The following NEGR1 variants were observed in gnomAD, a reference collection of about 807,000 sequenced individuals.
NEGR1 encodes the protein neuronal growth regulator 1, also known as IgLON family member 4.
Under a neutral mutation model 40.9 loss-of-function variants are expected in NEGR1, and 10 were observed. The observed-to-expected ratio is 0.24, with a 90% CI of 0.15 to 0.42. The LOEUF (loss-of-function observed/expected upper bound fraction) is 0.42, where lower values mean the gene tolerates loss of function less well. Among genes scored for constraint, NEGR1 ranks in the 10% least tolerant of loss-of-function variants. The pLI is 1.00. For missense variants in NEGR1, 352 were observed against 438.9 expected (o/e 0.80, Z 1.77); for synonymous variants, 185 against 166.8 (o/e 1.11, Z -0.84).
intron 6 of NEGR1, among the ~76,000 whole-genome samples, chr1:71,492,331 A>G (rs1475581232): frequency 1.3e-5 from 2 of 152,002 alleles, no homozygotes; most frequent in Admixed American, 1.3e-4. Flanking sequence ...TTGTAATGGA[A>G]ACTTCTGAAC....
chr1:71,600,463 C>T (rs1649879242), intron 5 of NEGR1, among the ~76,000 whole-genome samples: 1 of 152,114 alleles, frequency 6.6e-6, no homozygotes, highest in African/African-American at 2.4e-5. Flanking sequence ...GTTGTGGTAG[C>T]TTTCCTGGAG....
chr1:71,709,817 C>A (rs1307535196), intron 3 of NEGR1, among the ~76,000 whole-genome samples: 1 of 152,184 alleles, frequency 6.6e-6, no homozygotes, highest in Admixed American at 6.5e-5. Flanking sequence ...GCAAACATTT[C>A]TTTAGCAGTA....
chr1:71,935,476 C>G (rs1183691930), intron 1 of NEGR1, among the ~76,000 whole-genome samples, 165 bp from the exon 2 acceptor site: 1 of 151,872 alleles, frequency 6.6e-6, no homozygotes, highest in Admixed American at 6.6e-5. Context: ...TCTTCCATTC[C>G]CAATGCAAAT....
chr1:72,077,691 T>A (rs1424452009), intron 1 of NEGR1, among the ~76,000 whole-genome samples: 1 of 152,006 alleles, frequency 6.6e-6, no homozygotes, highest in African/African-American at 2.4e-5. Context: ...CGCATGCCTG[T>A]AGTCCCAGGT....
chr1:72,273,063 A>T (rs1655898276), intron 1 of NEGR1, among the ~76,000 whole-genome samples: 1 of 152,002 alleles, frequency 6.6e-6, no homozygotes, highest in Non-Finnish European at 1.5e-5. Context: ...CTTAGAAACC[A>T]CTACACCAAT....
intron 6 of NEGR1, among the ~76,000 whole-genome samples, chr1:71,437,452 A>C (rs1646517219): frequency 6.6e-6 from 1 of 152,198 alleles, no homozygotes; most frequent in African/African-American, 2.4e-5. Flanking sequence ...TTATTCAAAA[A>C]ATGATTATAA....
At position 72,276,811 on chromosome 1, in the gene NEGR1, C is replaced by T. The variant is rs562566334; in HGVS notation, c.176+5508G>A. On this transcript the variant is annotated intron_variant, in intron 1 of 6. Coordinates refer to ENST00000357731, the MANE Select transcript of NEGR1 (RefSeq NM_173808.3). The stretch of plus-strand genomic sequence containing the variant: ...GCATCTATCAAGGTTCTACAAACAA[C>T]ACTTAAACCGTTTTGGATATTTAAA... Among the ~76,000 whole-genome samples the T allele has an allele frequency of 3.1e-4, 47 of 152,182 alleles. No individual in the cohort carries two copies. The South Asian group carries it at 3.3e-3, about 11-fold the overall frequency.
At chr1:71,986,158 G>C (rs1646392106) in intron 1 of NEGR1, among the ~76,000 whole-genome samples, 1 of 152,150 alleles carries the variant, frequency 6.6e-6, no homozygotes, top group Admixed American at 6.5e-5. Flanking sequence ...ATATGTGGTA[G>C]AGTAATTGTT....
intron 6 of NEGR1, among the ~76,000 whole-genome samples, chr1:71,545,049 T>G (rs1647841577): frequency 6.6e-6 from 1 of 151,674 alleles, no homozygotes; most frequent in African/African-American, 2.4e-5. Flanking sequence ...CCAGAAAGAC[T>G]ATTAATTATT....
intron 6 of NEGR1, among the ~76,000 whole-genome samples, chr1:71,547,402 T>A (rs1457928228): frequency 6.6e-6 from 1 of 151,340 alleles, no homozygotes; most frequent in Non-Finnish European, 1.5e-5. Context: ...GTTACCGGAG[T>A]GAAAAAGGGA....
chr1:72,256,926 T>C (rs990973281), intron 1 of NEGR1, among the ~76,000 whole-genome samples: 1 of 148,646 alleles, frequency 6.7e-6, no homozygotes, highest in African/African-American at 2.6e-5. Context: ...AACGGCATGG[T>C]TAACAGAATA....
chr1:71,499,230 A>G (rs954625519), intron 6 of NEGR1, among the ~76,000 whole-genome samples: 5 of 151,968 alleles, frequency 3.3e-5, no homozygotes, highest in Admixed American at 1.3e-4. Context: ...TTCCATATGT[A>G]TAAGCCAGTT....
intron 4 of NEGR1, among the ~76,000 whole-genome samples, chr1:71,621,551 A>C (rs190707887): frequency 1.3e-4 from 19 of 151,974 alleles, no homozygotes; most frequent in African/African-American, 4.6e-4. Flanking sequence ...GTGACAGAGT[A>C]CTAAGCTGTG....
At position 71,598,865 on chromosome 1, in the gene NEGR1, T is replaced by A. The variant is rs557027193; in HGVS notation, c.789-5897A>T. On this transcript the variant is annotated intron_variant, in intron 5 of 6. Transcript: ENST00000357731. The stretch of plus-strand genomic sequence containing the variant: ...ACGTCAAATACTTCTTTTTCTAACA[T>A]CATTTCAGCTTTAAGTTTTCATATA... 2.6e-5 allele frequency among the ~76,000 whole-genome samples: 4 copies of A among 152,316 alleles called. No individual in the cohort carries two copies. In the South Asian group the frequency reaches 8.3e-4, roughly 32 times the overall value.
At chr1:72,028,912 CA>C (rs1209965321) in intron 1 of NEGR1, among the ~76,000 whole-genome samples, 1 of 152,046 alleles carries the variant, frequency 6.6e-6, no homozygotes, top group African/African-American at 2.4e-5. Context: ...GCTTGATGCT[CA>C]ATATACTGTT....
intron 1 of NEGR1, among the ~76,000 whole-genome samples, chr1:71,940,874 T>G (rs964429209): frequency 2.0e-5 from 3 of 152,164 alleles, no homozygotes; most frequent in Non-Finnish European, 4.4e-5. Context: ...TTTTGTCTAC[T>G]TATATCTCAA....
Position 71,546,315 on chromosome 1 carries a change from A to T in NEGR1, c.940+46502T>A, listed in dbSNP as rs74691832. 3.4e-3 allele frequency among the ~76,000 whole-genome samples: 510 copies of T among 151,838 alleles called. 2 individuals carry two copies. The highest frequency in any genetic ancestry group is 6.3e-3 in the Non-Finnish European group (429 of 67,762). ...CACCTATTAATTAATGCATTTATCTATTCAAAAGTTGATGGAATACCCATG... is the reference window on the plus strand; with the variant it reads ...CACCTATTAATTAATGCATTTATCTTTTCAAAAGTTGATGGAATACCCATG... On this transcript the variant is annotated intron_variant, in intron 6 of 6. Coordinates refer to ENST00000357731, the MANE Select transcript of NEGR1 (RefSeq NM_173808.3).
intron 1 of NEGR1, among the ~76,000 whole-genome samples, chr1:72,105,566 A>G (rs1649103602): frequency 6.6e-6 from 1 of 151,928 alleles, no homozygotes; most frequent in African/African-American, 2.4e-5. Flanking sequence ...ATAAATAAAT[A>G]AATAGAAAGA....
intron 6 of NEGR1, among the ~76,000 whole-genome samples, chr1:71,576,233 G>A (rs1648962638): frequency 6.6e-6 from 1 of 152,156 alleles, no homozygotes; most frequent in Admixed American, 6.5e-5. Context: ...GATCATTGGT[G>A]TATAAATGGC....
Sources: gnomAD v4.1 joint callset for allele counts (sites outside exome capture counted in the v4.1 genomes callset) on GRCh38, gnomAD v4.1.1 for gene constraint, MANE v1.5 for transcripts, NCBI Gene and HGNC (gene_info 2026-07-23, HGNC 2026-07-21) for gene names.